Variants in ATRNL1 observed in about 807,000 individuals in gnomAD.
The protein encoded by ATRNL1 is attractin-like protein 1.
In ATRNL1, 95 loss-of-function variants were observed where a neutral mutation model predicts 182.7. The ratio of observed to expected loss-of-function variants is 0.52; its 90% confidence interval spans 0.44 to 0.62. The LOEUF (loss-of-function observed/expected upper bound fraction) is 0.62, where lower values mean the gene tolerates loss of function less well. Among genes scored for constraint, ATRNL1 ranks in the 20% least tolerant of loss-of-function variants. The pLI is 0.00. For synonymous variants in ATRNL1, 576 were observed against 568.3 expected (o/e 1.01, Z -0.19); for missense variants, 1,471 against 1,679.5 (o/e 0.88, Z 2.17).
intron 26 of ATRNL1, among the ~76,000 whole-genome samples, chr10:115,604,264 G>A (rs11197341): frequency 0.49 from 75,030 of 151,952 alleles, 19,446 homozygotes; most frequent in African/African-American, 0.6. Context: ...CTTGTGATTA[G>A]GTTTAATTCT....
At chr10:115,730,597 A>T (rs1304498693) in intron 27 of ATRNL1, among the ~76,000 whole-genome samples, 1 of 152,156 alleles carries the variant, frequency 6.6e-6, no homozygotes, top group Admixed American at 6.5e-5. Flanking sequence ...CCCAAGTAAT[A>T]AAAGATACAC....
chr10:115,592,803 T>C (rs1855992179), intron 26 of ATRNL1, among the ~76,000 whole-genome samples: 1 of 152,214 alleles, frequency 6.6e-6, no homozygotes, highest in South Asian at 2.1e-4. Flanking sequence ...ACATAATTGC[T>C]TTTGTTGTTG....
intron 24 of ATRNL1, among the ~76,000 whole-genome samples, chr10:115,478,055 A>G (rs1848611060): frequency 6.6e-6 from 1 of 151,680 alleles, no homozygotes; most frequent in Non-Finnish European, 1.5e-5. Context: ...GATAGGATTG[A>G]GAGGAAGGTT....
At chr10:115,159,318 T>C (rs76592050) in intron 5 of ATRNL1, among the ~76,000 whole-genome samples, 2,001 of 151,684 alleles carry the variant, frequency 0.013, 41 homozygotes, top group African/African-American at 0.046. Flanking sequence ...GAGAATTCCT[T>C]CTATTATGTT....
chr10:115,436,462 CTG>C (rs1458327796), intron 21 of ATRNL1, among the ~76,000 whole-genome samples: 3 of 152,050 alleles, frequency 2.0e-5, no homozygotes, highest in African/African-American at 7.2e-5. Context: ...TGGATTATAA[CTG>C]TGTTTTTTCT....
chr10:115,843,166 C>T (rs1440063791), intron 27 of ATRNL1, among the ~76,000 whole-genome samples: 2 of 152,050 alleles, frequency 1.3e-5, no homozygotes, highest in African/African-American at 4.8e-5. Flanking sequence ...AAGAATCTAA[C>T]ATGATATCTG....
intron 1 of ATRNL1, among the ~76,000 whole-genome samples, chr10:115,118,294 G>C (rs1242618304): frequency 4.6e-5 from 7 of 152,018 alleles, no homozygotes; most frequent in African/African-American, 1.7e-4. Flanking sequence ...ATCCTGGAGA[G>C]TTTCCCCAAT....
intron 26 of ATRNL1, among the ~76,000 whole-genome samples, chr10:115,561,704 G>GGTGTGTGTGTGTGTGTGT (rs71010029): frequency 2.8e-5 from 4 of 144,936 alleles, no homozygotes; most frequent in Admixed American, 6.9e-5. Context: ...TGTGTGTGTG[G>GGTGTGTGTGTGTGTGTGT]GTGTGTGTGT....
intron 4 of ATRNL1, 78 bp downstream of exon 4, chr10:115,127,799 A>G: frequency 1.9e-6 from 2 of 1,064,122 alleles, no homozygotes; most frequent in Non-Finnish European, 1.3e-6. Flanking sequence ...GTTTATTTTT[A>G]TTAATGTCTT....
At chr10:115,446,324 A>G (rs1295377721) in intron 21 of ATRNL1, among the ~76,000 whole-genome samples, 2 of 151,760 alleles carry the variant, frequency 1.3e-5, no homozygotes, top group African/African-American at 4.8e-5. Flanking sequence ...CTGTTTTCTG[A>G]TTCTCGTATT....
chr10:115,200,720 T>C (rs1848536548), intron 8 of ATRNL1, among the ~76,000 whole-genome samples: 1 of 141,972 alleles, frequency 7.0e-6, no homozygotes, highest in African/African-American at 2.7e-5. Flanking sequence ...CAGCATGATT[T>C]ATAGTCCTTT....
At chr10:115,547,270 A>G (rs1852717328) in intron 25 of ATRNL1, among the ~76,000 whole-genome samples, 1 of 147,600 alleles carries the variant, frequency 6.8e-6, no homozygotes, top group Admixed American at 6.8e-5. Flanking sequence ...AAAAATATAT[A>G]TATATATATA....
At chr10:115,316,367 G>A (rs573576020) in intron 18 of ATRNL1, among the ~76,000 whole-genome samples, 29 of 152,086 alleles carry the variant, frequency 1.9e-4, no homozygotes, top group African/African-American at 6.7e-4. Context: ...ATTAATGGGC[G>A]CTTGGGTTGG....
chr10:115,696,116 TCTCGATCTCCTGAG>T (rs1436030343), intron 26 of ATRNL1, among the ~76,000 whole-genome samples: 2 of 148,064 alleles, frequency 1.4e-5, no homozygotes, highest in East Asian at 4.0e-4. Flanking sequence ...GCCAGGATGG[TCTCGATCTCCTGAG>T]CTCGTGATCC....
intron 22 of ATRNL1, among the ~76,000 whole-genome samples, chr10:115,465,939 A>C (rs751823976): frequency 5.3e-5 from 8 of 151,598 alleles, no homozygotes; most frequent in Admixed American, 1.3e-4. Flanking sequence ...AGAGTTCTTC[A>C]TAGAGAATAA....
At chr10:115,728,419 A>G (rs1418769658) in intron 27 of ATRNL1, among the ~76,000 whole-genome samples, 1 of 151,484 alleles carries the variant, frequency 6.6e-6, no homozygotes, top group Non-Finnish European at 1.5e-5. Flanking sequence ...TTACTTTTAT[A>G]TGTGGTAAGA....
intron 27 of ATRNL1, among the ~76,000 whole-genome samples, chr10:115,762,881 T>C (rs1367170136): frequency 6.6e-6 from 1 of 152,118 alleles, no homozygotes; most frequent in Non-Finnish European, 1.5e-5. Context: ...TCTTTATTCA[T>C]TTTTGTTTAA....
chr10:115,868,801 A>G (rs1951499129), intron 28 of ATRNL1, among the ~76,000 whole-genome samples: 1 of 144,082 alleles, frequency 6.9e-6, no homozygotes, highest in Non-Finnish European at 1.5e-5. Context: ...TTTTGAATAT[A>G]TCTGGTGGCA....
chr10:115,827,188 C>T (rs1292552456), intron 27 of ATRNL1, among the ~76,000 whole-genome samples: 7 of 152,182 alleles, frequency 4.6e-5, no homozygotes, highest in African/African-American at 1.7e-4. Flanking sequence ...CAGAGGGAGC[C>T]TCCAACGTCT....
Sources: allele counts gnomAD v4.1 joint callset (sites outside exome capture counted in the v4.1 genomes callset), GRCh38; gene constraint gnomAD v4.1.1; transcripts MANE v1.5; gene names NCBI Gene and HGNC (gene_info 2026-07-23, HGNC 2026-07-21).